Variants in NCALD observed in about 807,000 individuals in gnomAD.
The protein encoded by NCALD is neurocalcin delta, also known as neurocalcin-delta.
In NCALD, 10 loss-of-function variants were observed where a neutral mutation model predicts 18.6. The observed-to-expected ratio is 0.54, with a 90% CI of 0.33 to 0.91. NCALD has a LOEUF of 0.91. Among genes scored for constraint, NCALD ranks in the 40% least tolerant of loss-of-function variants. NCALD has a pLI of 0.03. For missense variants in NCALD, 184 were observed against 247.6 expected, an observed-to-expected ratio of 0.74 and a Z score of 1.72; for synonymous variants, 88 against 87.4, an observed-to-expected ratio of 1.01 and a Z score of -0.04.
At chr8:101,993,785 A>C (rs1192195616) in intron 2 of NCALD, among the ~76,000 whole-genome samples, 1 of 152,258 alleles carries the variant, frequency 6.6e-6, no homozygotes, top group Non-Finnish European at 1.5e-5. Context: ...TCTGAAATCA[A>C]ACCAGGTTGA....
At chr8:101,779,844 TTTAAG>T (rs920649716) in intron 1 of NCALD, 4 of 152,178 alleles carry the variant, frequency 2.6e-5, no homozygotes, top group Non-Finnish European at 5.9e-5. Flanking sequence ...ACAATGTTTT[TTTAAG>T]TTAATCCTCA....
At chr8:102,064,434 A>G (rs1266873562) in intron 1 of NCALD, among the ~76,000 whole-genome samples, 4 of 152,204 alleles carry the variant, frequency 2.6e-5, no homozygotes, top group African/African-American at 9.6e-5. Flanking sequence ...GGGAGAATGA[A>G]TGGATGGCTC....
chr8:102,003,189 A>G (rs1209850741), intron 2 of NCALD, among the ~76,000 whole-genome samples: 1 of 152,216 alleles, frequency 6.6e-6, no homozygotes, highest in Non-Finnish European at 1.5e-5. Flanking sequence ...AAAAAATGAT[A>G]AAGGGGATAT....
intron 1 of NCALD, among the ~76,000 whole-genome samples, chr8:102,112,828 C>T (rs1434236087): frequency 1.3e-5 from 2 of 152,038 alleles, no homozygotes; most frequent in Admixed American, 1.3e-4. Flanking sequence ...TTATTAAGAG[C>T]CTGGCACCTC....
At chr8:101,852,861 A>G (rs1815153864) in intron 4 of NCALD, among the ~76,000 whole-genome samples, 1 of 152,216 alleles carries the variant, frequency 6.6e-6, no homozygotes, top group South Asian at 2.1e-4. Flanking sequence ...TCCCATTTTC[A>G]AAAGAAGTCA....
chr8:101,929,992 T>G (rs897574910), intron 2 of NCALD, among the ~76,000 whole-genome samples: 2 of 151,828 alleles, frequency 1.3e-5, no homozygotes, highest in African/African-American at 4.8e-5. Flanking sequence ...GAGATGGAGG[T>G]TACAGTGAGC....
chr8:101,688,888 A>G lies in NCALD; in HGVS notation c.*421T>C. 1.6e-6 allele frequency: 1 copy of G among 625,768 alleles called. No homozygotes were observed. The allele number at this position is 625,768 out of a possible 1,614,324, so 38.8% of individuals were successfully genotyped here. Reference sequence around the variant, plus strand: ...GCATCCGGTGCCATCCATCACCCCTACGGCACGTGTGACAACAGATTCAGG... The same window carrying G: ...GCATCCGGTGCCATCCATCACCCCTGCGGCACGTGTGACAACAGATTCAGG... On this transcript the variant is annotated 3_prime_UTR_variant, in exon 4 of 4. Transcript: ENST00000220931.
At chr8:101,864,780 G>A (rs967157276) in intron 4 of NCALD, among the ~76,000 whole-genome samples, 2 of 152,014 alleles carry the variant, frequency 1.3e-5, no homozygotes, top group African/African-American at 4.8e-5. Flanking sequence ...ATTTTTAGTA[G>A]AGACGGGGTT....
chr8:101,746,489 A>G (rs1411661657), intron 1 of NCALD, among the ~76,000 whole-genome samples: 1 of 152,132 alleles, frequency 6.6e-6, no homozygotes, highest in Non-Finnish European at 1.5e-5. Context: ...TTTCATGTTC[A>G]CTTCAGCCTC....
chr8:102,065,010 CAAAAAAAAAAA>C (rs34548051), intron 1 of NCALD, among the ~76,000 whole-genome samples: 7 of 87,580 alleles, frequency 8.0e-5, no homozygotes, highest in Non-Finnish European at 1.4e-4. Flanking sequence ...CTCACTTTGG[CAAAAAAAAAAA>C]AAAAAAAAAA....
At chr8:101,957,871 G>T (rs1472269680) in intron 2 of NCALD, among the ~76,000 whole-genome samples, 2 of 152,188 alleles carry the variant, frequency 1.3e-5, no homozygotes, top group Non-Finnish European at 2.9e-5. Context: ...CCAGGCTGGG[G>T]TGTCATAGAT....
intron 4 of NCALD, among the ~76,000 whole-genome samples, chr8:101,867,829 T>C (rs1815835625): frequency 6.6e-6 from 1 of 152,192 alleles, no homozygotes; most frequent in Non-Finnish European, 1.5e-5. Flanking sequence ...ATCTCTGAAT[T>C]TGACATTGAA....
intron 3 of NCALD, chr8:101,690,875 G>T (rs1814695727): frequency 2.0e-6 from 2 of 985,256 alleles, no homozygotes; most frequent in South Asian, 9.4e-5. Context: ...GTCTCTCAGG[G>T]GTCGGCTCTG....
chr8:102,050,152 G>A (rs565707687), intron 1 of NCALD, among the ~76,000 whole-genome samples: 34 of 71,256 alleles, frequency 4.8e-4, no homozygotes, highest in Non-Finnish European at 6.7e-4. Context: ...CTGGGCGACA[G>A]AGCGAGACTC....
chr8:101,736,881 A>G (rs1188665378), intron 1 of NCALD, among the ~76,000 whole-genome samples: 1 of 152,180 alleles, frequency 6.6e-6, no homozygotes, highest in Non-Finnish European at 1.5e-5. Context: ...TTTTCAGAAC[A>G]AATTGGATGC....
chr8:102,080,003 T>G (rs1465695119), intron 1 of NCALD, among the ~76,000 whole-genome samples: 6 of 152,166 alleles, frequency 3.9e-5, no homozygotes, highest in Admixed American at 3.9e-4. Context: ...TCAGGCCTTG[T>G]CAAATAACAG....
intron 4 of NCALD, among the ~76,000 whole-genome samples, chr8:101,829,558 G>A (rs1052833074): frequency 6.6e-6 from 1 of 152,054 alleles, no homozygotes; most frequent in Non-Finnish European, 1.5e-5. Context: ...TCTGCCTAGT[G>A]GGCACACTTA....
intron 2 of NCALD, among the ~76,000 whole-genome samples, chr8:101,947,008 A>G (rs1751602918): frequency 6.6e-6 from 1 of 152,172 alleles, no homozygotes; most frequent in South Asian, 2.1e-4. Context: ...GCTGCTGCAG[A>G]GAAGAGCAGA....
intron 2 of NCALD, among the ~76,000 whole-genome samples, chr8:102,008,916 CTACACACACACA>C (rs1171457052): frequency 1.4e-4 from 3 of 21,180 alleles, no homozygotes; most frequent in African/African-American, 7.6e-4. Flanking sequence ...CCCCGCCCCC[CTACACACACACA>C]CACACACACA....
Sources: allele counts gnomAD v4.1 joint callset (sites outside exome capture counted in the v4.1 genomes callset), GRCh38; gene constraint gnomAD v4.1.1; transcripts MANE v1.5; gene names NCBI Gene and HGNC (gene_info 2026-07-23, HGNC 2026-07-21).